Variants in ATG9B observed in about 807,000 individuals in gnomAD.
ATG9B encodes the protein autophagy related 9B.
A neutral mutation model predicts 92.9 loss-of-function variants in ATG9B; 92 were observed. The observed-to-expected ratio is 0.99, with a 90% CI of 0.84 to 1.18. The LOEUF is 1.18. Ranked by LOEUF, ATG9B falls within the 50% of genes most tolerant of loss-of-function variation. The pLI is 0.00. For synonymous variants in ATG9B, 599 were observed against 551.4 expected (o/e 1.09, Z -1.21); for missense variants, 1,344 against 1,235.0 (o/e 1.09, Z -1.32).
In ATG9B at chr7:151,018,225, G is replaced by T; in HGVS notation, c.1872+69C>A. The T allele has an allele frequency of 6.7e-7, 1 of 1,486,912 alleles. No homozygotes were observed. 92.1% of individuals were successfully genotyped at this position (1,486,912 alleles called of 1,614,324 possible). A position where few individuals can be genotyped will look rare whatever the true frequency, so the allele number is the denominator to read the frequency against. On this transcript the variant is annotated intron_variant, in intron 7 of 13. Transcript: ENST00000639579. The surrounding 1 kb of genome is among the most constrained non-coding windows in gnomAD (Gnocchi z 4.7). ...GCCCTCTCCCAGACAGACCCTCCGC[G>T]CAGACAGACCCTCCGCGCAGACAGA...
At chr7:151,021,118 C>T (rs1443407357) in intron 5 of ATG9B, 70 bp downstream of exon 5, 3 of 1,573,294 alleles carry the variant, frequency 1.9e-6, no homozygotes, top group Non-Finnish European at 8.7e-7. Context: ...CTGTACAGTC[C>T]CACTTCTTCC....
rs770347101 is a variant in ATG9B at position 151,017,132 on chromosome 7, G to A, written c.2193C>T (p.Leu731=). Residue 731 remains leucine, a synonymous_variant, in exon 9 of 14, where the codon CTC becomes CTT. Coordinates refer to ENST00000639579, the MANE Select transcript of ATG9B (RefSeq NM_001317056.2). The part of the protein sequence containing the change: ...PGHSSKFLGH[L]WGRVQQDAAA... ...CTGCATCTTGTTGTACTCGGCCCCA[G>A]AGGTGCCCAAGAAACTTAGAGCTGT... is the stretch of plus-strand genomic sequence containing the variant. 32 of 1,612,794 alleles carry A rather than the reference G, an allele frequency of 2.0e-5. No homozygotes were observed. Among genetic ancestry groups the A allele is most frequent in the African/African-American group, 2.7e-5 (2 of 74,878 alleles).
At position 151,018,690 on chromosome 7, in the gene ATG9B, C is replaced by T. The variant is rs768167450; in HGVS notation, c.1648G>A (p.Glu550Lys). The change falls in exon 6 of 14, where the codon GAG (glutamate) becomes AAG (lysine). Residue 550 changes from glutamate to lysine, a missense_variant. By Grantham distance (56) the Glu-to-Lys change is moderately conservative. Coordinates refer to ENST00000639579, the MANE Select transcript of ATG9B (RefSeq NM_001317056.2). This position sits in a 1 kb window ranked among gnomAD's most constrained non-coding sequence, Gnocchi z 4.7. ...ACGTGCTCCACGGCTAGCACGTCCT[C>T]GTCGTAGACGGTGAGCACAAGCAGC... ...AALLVLTVYD[E>K]DVLAVEHVLT... is the part of the protein sequence containing the mutation. 16 of 1,604,380 alleles carry T rather than the reference C, an allele frequency of 1.0e-5. No individual in the cohort carries two copies. In the East Asian group the frequency reaches 3.6e-4, roughly 36 times the overall value.
intron 4 of ATG9B, among the ~76,000 whole-genome samples, chr7:151,022,147 C>G (rs890237294): frequency 1.3e-5 from 2 of 148,602 alleles, no homozygotes; most frequent in African/African-American, 2.5e-5. Flanking sequence ...GCAATCCATG[C>G]TTCAGGGAGG....
rs1326507029 is a variant in ATG9B at position 151,018,993 on chromosome 7, G to C, written c.1345C>G (p.Leu449Val). 3.2e-6 allele frequency: 5 copies of C among 1,575,396 alleles called. No individual in the cohort carries two copies. The highest frequency in any genetic ancestry group is 4.3e-6 in the Non-Finnish European group (5 of 1,165,588). Residue 449 changes from leucine (L) to valine (V), a missense_variant, in exon 6 of 14, where the codon CTG becomes GTG. Transcript: ENST00000639579. The surrounding 1 kb of genome is among the most constrained non-coding windows in gnomAD (Gnocchi z 4.7). ...VLLLAALNLA[L>V]SPLVLAWQVL... The stretch of plus-strand genomic sequence containing the variant: ...TGCCAGGCCAGCACCAGCGGGCTCA[G>C]CGCCAGGTTCAGGGCGGCCAGCAGC...
Position 151,016,972 on chromosome 7 carries a change from G to A in ATG9B, c.2289+64C>T, listed in dbSNP as rs1394259180. ...GTTACTACCTAAGGTGAGCCTAGAG[G>A]GGAAGGGTTTGGAGAGGAGTTGTGG... On this transcript the variant is annotated intron_variant, in intron 9 of 13. Coordinates refer to ENST00000639579, the MANE Select transcript of ATG9B (RefSeq NM_001317056.2). 3.3e-6 allele frequency: 5 copies of A among 1,525,256 alleles called. No homozygotes were observed. In the Admixed American group the frequency reaches 5.9e-5, roughly 18 times the overall value. 94.5% of individuals were successfully genotyped at this position (1,525,256 alleles called of 1,614,324 possible).
At chr7:151,012,488 A>C (rs1330404219), downstream of ATG9B, 4 of 1,609,690 alleles carry the variant, frequency 2.5e-6, no homozygotes, top group Non-Finnish European at 2.5e-6. Flanking sequence ...GCTGGGGACT[A>C]AAGGACTGCC....
chr7:151,023,116 G>C lies in ATG9B; in HGVS notation c.750C>G (p.Thr250=), dbSNP rs774273855. The C allele has an allele frequency of 6.2e-7, 1 of 1,614,008 alleles. No homozygotes were observed. The highest frequency in any genetic ancestry group is 1.3e-5 in the African/African-American group (1 of 74,910). The change falls in exon 4 of 14, where the codon ACC becomes ACG. Residue 250 remains threonine, a synonymous_variant. Coordinates refer to ENST00000639579, the MANE Select transcript of ATG9B (RefSeq NM_001317056.2). ...VLFANQPSNH[T]RPGPFHSKVT... is the part of the protein sequence containing the mutation. ...CTTTGCTGTGGAACGGCCCAGGTCT[G>C]GTATGGTTACTTGGTTGGTTGGCAA...
chr7:151,013,107 C>G (rs935154661), downstream of ATG9B: 1 of 1,035,086 alleles, frequency 9.7e-7, no homozygotes, highest in African/African-American at 1.6e-5. Flanking sequence ...ATGAAACAGC[C>G]AAAGTAATGG....
chr7:151,018,929 C>A lies in ATG9B; in HGVS notation c.1409G>T (p.Arg470Leu). ...CGCCCCCAGCGCGCCAGGCTCGCGC[C>A]GCAGCAGCTCCACGTGGCTATAGAA... Reference protein sequence around the residue: ...HVFYSHVELLRREPGALGARG... With the variant: ...HVFYSHVELLLREPGALGARG... The change falls in exon 6 of 14, where the codon CGG (arginine) becomes CTG (leucine). Residue 470 changes from arginine to leucine, a missense_variant. Physicochemically the swap from Arg to Leu is moderately radical, Grantham distance 102. Transcript: ENST00000639579. The surrounding 1 kb of genome is among the most constrained non-coding windows in gnomAD (Gnocchi z 4.7). The A allele has an allele frequency of 6.5e-7, 1 of 1,534,642 alleles. No individual in the cohort carries two copies. Among genetic ancestry groups the A allele is most frequent in the South Asian group, 1.2e-5 (1 of 82,690 alleles).
In ATG9B at chr7:151,023,727, G is replaced by C; in HGVS notation, c.554C>G (p.Ser185Cys). The C allele has an allele frequency of 1.2e-6, 2 of 1,614,050 alleles. No individual in the cohort carries two copies. The highest frequency in any genetic ancestry group is 1.7e-6 in the Non-Finnish European group (2 of 1,180,020). The change falls in exon 2 of 14, where the codon TCC (serine) becomes TGC (cysteine). Residue 185 changes from serine to cysteine, a missense_variant. Ser to Cys is a moderately radical substitution (Grantham distance 112). Coordinates refer to ENST00000639579, the MANE Select transcript of ATG9B (RefSeq NM_001317056.2). ...LLHVPEGLRG[S>C]WHHIQNLDSF... ...GTCCAGGTTCTGGATGTGATGCCAG[G>C]AGCCTGGGCACAGAGGGGAGAGTGT...
rs372822402 is a variant in ATG9B, at chr7:151,016,172, G to A, written c.2584C>T (p.Pro862Ser). The A allele has an allele frequency of 1.1e-4, 167 of 1,537,030 alleles. No individual in the cohort carries two copies. The African/African-American group carries it at 2.1e-3, about 20-fold the overall frequency. ...GGTGGCTGTGAGGGGCTGGAGCAGG[G>A]CCTGGACAGGATGGAGGCTGCAGCC... ...GEAAASILSR[P>S]CSSPSQPPSP... is the part of the protein sequence containing the mutation. The change falls in exon 12 of 14, where the codon CCC becomes TCC. Residue 862 changes from proline (P) to serine (S), a missense_variant. Transcript: ENST00000639579.
rs1307119782 is a variant in ATG9B at position 151,018,007 on chromosome 7, A to G, written c.1916T>C (p.Leu639Pro). ...AGGGCGGAACCAGAAAAGCAGAAAC[A>G]GCGGGGTGAGGAGCGGGGACAGGAG... Reference protein sequence around the residue: ...EELLSPLLTPLFLLFWFRPRA... With the variant: ...EELLSPLLTPPFLLFWFRPRA... Residue 639 changes from leucine to proline, a missense_variant, in exon 8 of 14, where the codon CTG becomes CCG. Leu to Pro is a moderately conservative substitution (Grantham distance 98, BLOSUM62 -3). Coordinates refer to ENST00000639579, the MANE Select transcript of ATG9B (RefSeq NM_001317056.2). The surrounding 1 kb of genome is among the most constrained non-coding windows in gnomAD (Gnocchi z 4.7). 1.1e-5 allele frequency: 18 copies of G among 1,602,298 alleles called. No homozygotes were observed. Among genetic ancestry groups the G allele is most frequent in the Non-Finnish European group, 1.5e-5 (18 of 1,174,168 alleles).
rs1416916408 is a variant in ATG9B, at chr7:151,023,158, C to T, written c.708G>A (p.Val236=). The T allele has an allele frequency of 1.2e-6, 2 of 1,614,040 alleles. No individual in the cohort carries two copies. The highest frequency in any genetic ancestry group is 1.3e-5 in the African/African-American group (1 of 74,914). The change falls in exon 4 of 14, where the codon GTG becomes GTA. Residue 236 remains valine (V), a synonymous_variant. Coordinates refer to ENST00000639579, the MANE Select transcript of ATG9B (RefSeq NM_001317056.2). ...VTFTTFLLRC[V]DYNVLFANQP... is the part of the protein sequence containing the mutation. ...GGTTGGCAAAGAGAACATTGTAATC[C>T]ACGCATCGAAGGAGGAAGGTTGTGA...
rs3918217 is a variant in ATG9B at position 151,015,893 on chromosome 7, G to A, written c.*3C>T. On this transcript the variant is annotated 3_prime_UTR_variant, in exon 13 of 14. Transcript: ENST00000639579. The stretch of plus-strand genomic sequence containing the variant: ...GAGGCAATACTGACCCTGAGGAGTC[G>A]TCTCAGTCAGTGCAAGAGGCCCGGT... 3,897 of 1,551,248 alleles carry A rather than the reference G, an allele frequency of 2.5e-3. 95 individuals are homozygous for A. In the African/African-American group the frequency reaches 0.046, roughly 18 times the overall value.
At chr7:151,013,653 A>G (rs1795361838), downstream of ATG9B, 2 of 1,335,378 alleles carry the variant, frequency 1.5e-6, no homozygotes, top group Non-Finnish European at 2.0e-6. Flanking sequence ...GTCCAGGGCC[A>G]GCCAGCAGCC....
Position 151,016,818 on chromosome 7 carries a change from C to A in ATG9B, c.2293G>T (p.Glu765Ter). The change falls in exon 10 of 14, where the codon GAG (glutamate) becomes TAG (stop). Residue 765 changes from glutamate (E) to a stop codon, truncating the protein, a stop_gained. Coordinates refer to ENST00000639579, the MANE Select transcript of ATG9B (RefSeq NM_001317056.2). LOFTEE classifies it high-confidence loss of function. Reference sequence around the variant, plus strand: ...ACGAAGAGGTTGGCCAGGAAGGCCTCAGGCTGGGTGCAAGAGGAGAGGGAA... The same window carrying A: ...ACGAAGAGGTTGGCCAGGAAGGCCTAAGGCTGGGTGCAAGAGGAGAGGGAA... ...VLSNCTSPLP[E>*]AFLANLFVHP... 1.2e-6 allele frequency: 2 copies of A among 1,605,810 alleles called. No homozygotes were observed. The highest frequency in any genetic ancestry group is 1.7e-6 in the Non-Finnish European group (2 of 1,176,472).
rs769583068 is a variant in ATG9B, at chr7:151,017,883, G to C, written c.2040C>G (p.His680Gln). 3.7e-6 allele frequency: 6 copies of C among 1,607,730 alleles called. No individual in the cohort carries two copies. Among genetic ancestry groups the C allele is most frequent in the Non-Finnish European group, 5.1e-6 (6 of 1,176,962 alleles). ...GAACGGCTCTGACCTGAGGGTGTCC[G>C]TGGCGCTTCACATCCATAAGGGCAA... ...CSFALMDVKR[H>Q]GHPQWLSAGQ... is the part of the protein sequence containing the mutation. The change falls in exon 8 of 14, where the codon CAC becomes CAG. Residue 680 changes from histidine (H) to glutamine (Q), a missense_variant. His to Gln is a conservative substitution (Grantham distance 24, BLOSUM62 0). Transcript: ENST00000639579.
rs940668850 is a variant in ATG9B at position 151,016,552 on chromosome 7, A to G, written c.2424-25T>C. On this transcript the variant is annotated intron_variant, in intron 10 of 13. Coordinates refer to ENST00000639579, the MANE Select transcript of ATG9B (RefSeq NM_001317056.2). ...GCTGGAACATAACATGAAGCAGGTC[A>G]AAAGTCATGCCCTCCTCCCGCCACA... 11 of 1,547,176 alleles carry G rather than the reference A, an allele frequency of 7.1e-6. No individual in the cohort carries two copies. The African/African-American group carries it at 1.1e-4, about 15-fold the overall frequency.
Sources: allele counts gnomAD v4.1 joint callset (sites outside exome capture counted in the v4.1 genomes callset), GRCh38; gene constraint gnomAD v4.1.1; non-coding constraint Gnocchi (gnomAD v3.1); transcripts MANE v1.5; gene names NCBI Gene and HGNC (gene_info 2026-07-23, HGNC 2026-07-21).